The following MAP3K21 variants were observed in gnomAD, a reference collection of about 807,000 sequenced individuals.
MAP3K21 encodes mitogen-activated protein kinase kinase kinase 21.
MAP3K21 carries 63 observed loss-of-function variants against 86.1 expected under a neutral mutation model. That is an observed-to-expected ratio of 0.73 (90% CI 0.60 to 0.90). The LOEUF (loss-of-function observed/expected upper bound fraction) is 0.90. Among genes scored for constraint, MAP3K21 ranks in the 40% least tolerant of loss-of-function variants. The pLI is 0.00. For missense variants in MAP3K21, 1,220 were observed against 1,367.7 expected (o/e 0.89, Z 1.70); for synonymous variants, 558 against 564.8 (o/e 0.99, Z 0.17).
chr1:233,331,260 C>T (rs1036391071), intron 1 of MAP3K21, among the ~76,000 whole-genome samples: 7 of 152,236 alleles, frequency 4.6e-5, no homozygotes, highest in African/African-American at 9.6e-5. Context: ...TAAATTGTTG[C>T]ACTCTTATAA....
chr1:233,341,821 TGAG>T (rs1464071909), intron 1 of MAP3K21, among the ~76,000 whole-genome samples: 1 of 152,164 alleles, frequency 6.6e-6, no homozygotes. Context: ...TTTGTAAGAA[TGAG>T]GAGATAATGT....
rs1352130348 is a variant in MAP3K21, at chr1:233,328,895, CAGGACAT to C, written c.805+65_805+71del. 7.3e-7 allele frequency: 1 copy of C among 1,362,372 alleles called. No individual in the cohort carries two copies. Among genetic ancestry groups the C allele is most frequent in the African/African-American group, 1.5e-5 (1 of 66,406 alleles). 84.4% of individuals were successfully genotyped at this position (1,362,372 alleles called of 1,614,324 possible). A position where few individuals can be genotyped will look rare whatever the true frequency, so the allele number is the denominator to read the frequency against. On this transcript the variant is annotated intron_variant, in intron 1 of 9. Transcript: ENST00000366624. This position sits in a 1 kb window ranked among gnomAD's most constrained non-coding sequence, Gnocchi z 8.7. ...TCCGTGCCAGCCCAGGCGGGCTCCA[CAGGACAT>C]AGTACCAGATGGAAAGAGGTGGGAG...
chr1:233,382,457 C>T lies in MAP3K21; in HGVS notation c.2857C>T (p.Arg953Cys), dbSNP rs202015232. The T allele has an allele frequency of 4.2e-5, 68 of 1,614,012 alleles. No individual in the cohort carries two copies. Among genetic ancestry groups the T allele is most frequent in the Middle Eastern group, 1.6e-4 (1 of 6,084 alleles). The change falls in exon 10 of 10, where the codon CGC becomes TGC. Residue 953 changes from arginine (R) to cysteine (C), a missense_variant. Arg to Cys is a radical substitution (Grantham distance 180). Coordinates refer to ENST00000366624, the MANE Select transcript of MAP3K21 (RefSeq NM_032435.3). ...PQRRPASLRS[R>C]SDLPQAYPQT... ...GCGTCGCCCTGCCTCCCTGAGAAGC[C>T]GCTCAGATCTGCCTCAGGCTTACCC... is the stretch of plus-strand genomic sequence containing the variant.
chr1:233,373,682 A>G (rs921892375), intron 6 of MAP3K21: 1 of 152,194 alleles, frequency 6.6e-6, no homozygotes. Flanking sequence ...ATGTGTGTGC[A>G]CACCCCCATT....
At position 233,379,175 on chromosome 1, in the gene MAP3K21, G is replaced by A; in HGVS notation, c.2169G>A (p.Leu723=). The A allele has an allele frequency of 6.2e-7, 1 of 1,614,220 alleles. No individual in the cohort carries two copies. Among genetic ancestry groups the A allele is most frequent in the Non-Finnish European group, 8.5e-7 (1 of 1,180,032 alleles). ...AGAGAAAGAAAACGGAGTCAGCTCT[G>A]TATGGGTGCACCGTCCTTCTGGCAT... is the stretch of plus-strand genomic sequence containing the variant. The part of the protein sequence containing the change: ...SPQRKKTESA[L]YGCTVLLASV... The change falls in exon 9 of 10, where the codon CTG becomes CTA. Residue 723 remains leucine, a synonymous_variant. Transcript: ENST00000366624.
intron 5 of MAP3K21, among the ~76,000 whole-genome samples, chr1:233,368,489 A>T (rs2102762302): frequency 6.6e-6 from 1 of 152,108 alleles, no homozygotes; most frequent in African/African-American, 2.4e-5. Context: ...CCCCATTTCT[A>T]CAAAAATATA....
chr1:233,374,987 G>T (rs1294276479), intron 6 of MAP3K21, among the ~76,000 whole-genome samples: 2 of 151,486 alleles, frequency 1.3e-5, no homozygotes, highest in East Asian at 1.9e-4. Flanking sequence ...TGTCACCTGG[G>T]CTGGAGTGTA....
rs1422621736 is a variant in MAP3K21, at chr1:233,328,241, C to T, written c.213C>T (p.Asp71=). The change falls in exon 1 of 10, where the codon GAC becomes GAT. Residue 71 remains aspartate (D), a synonymous_variant. Coordinates refer to ENST00000366624, the MANE Select transcript of MAP3K21 (RefSeq NM_032435.3). This position sits in a 1 kb window ranked among gnomAD's most constrained non-coding sequence, Gnocchi z 8.7. ...RGQLVEVLSQ[D]AAVSGDEGWW... is the part of the protein sequence containing the mutation. Reference sequence around the variant, plus strand: ...AGCTGGTGGAGGTGCTGTCGCAGGACGCCGCCGTGTCGGGCGACGAGGGCT... The same window carrying T: ...AGCTGGTGGAGGTGCTGTCGCAGGATGCCGCCGTGTCGGGCGACGAGGGCT... 3 of 1,490,418 alleles carry T rather than the reference C, an allele frequency of 2.0e-6. No homozygotes were observed. Among genetic ancestry groups the T allele is most frequent in the East Asian group, 5.8e-5 (2 of 34,634 alleles). 92.3% of individuals were successfully genotyped at this position (1,490,418 alleles called of 1,614,324 possible).
chr1:233,360,858 G>A (rs977452419), intron 4 of MAP3K21, among the ~76,000 whole-genome samples: 1 of 152,156 alleles, frequency 6.6e-6, no homozygotes, highest in Non-Finnish European at 1.5e-5. Context: ...AGTGTGGCCT[G>A]TTTATATAAA....
chr1:233,328,465 A>G lies in MAP3K21; in HGVS notation c.437A>G (p.Gln146Arg). The G allele has an allele frequency of 6.7e-7, 1 of 1,501,296 alleles. No individual in the cohort carries two copies. Among genetic ancestry groups the G allele is most frequent in the Non-Finnish European group, 8.8e-7 (1 of 1,135,280 alleles). 93.0% of individuals were successfully genotyped at this position (1,501,296 alleles called of 1,614,324 possible). Residue 146 changes from glutamine (Q) to arginine (R), a missense_variant, in exon 1 of 10, where the codon CAG (glutamine) becomes CGG (arginine). Coordinates refer to ENST00000366624, the MANE Select transcript of MAP3K21 (RefSeq NM_032435.3). This position sits in a 1 kb window ranked among gnomAD's most constrained non-coding sequence, Gnocchi z 8.7. The part of the protein sequence containing the change: ...GQVYRATWQG[Q>R]EVAVKAARQD... ...GTGTACCGCGCCACCTGGCAGGGCCAGGAGGTGGCCGTGAAGGCGGCGCGC... is the reference window on the plus strand; with the variant it reads ...GTGTACCGCGCCACCTGGCAGGGCCGGGAGGTGGCCGTGAAGGCGGCGCGC...
At chr1:233,345,098 A>T (rs2102762942) in intron 1 of MAP3K21, among the ~76,000 whole-genome samples, 1 of 152,314 alleles carries the variant, frequency 6.6e-6, no homozygotes, top group East Asian at 1.9e-4. Flanking sequence ...GCTGGAGAGA[A>T]TGTGGAGAAA....
chr1:233,374,862 G>A (rs1251942706), intron 6 of MAP3K21, among the ~76,000 whole-genome samples: 1 of 150,414 alleles, frequency 6.6e-6, no homozygotes, highest in Admixed American at 6.7e-5. Flanking sequence ...ATTTCAAACT[G>A]TTTTTAGAAC....
At chr1:233,360,964 A>G (rs926654366) in intron 4 of MAP3K21, among the ~76,000 whole-genome samples, 11 of 152,324 alleles carry the variant, frequency 7.2e-5, no homozygotes, top group African/African-American at 2.4e-4. Context: ...AGATTGTGGT[A>G]TTAGGGTATT....
chr1:233,361,889 T>C (rs1329546645), intron 4 of MAP3K21, among the ~76,000 whole-genome samples, 164 bp from the exon 5 acceptor site: 3 of 152,204 alleles, frequency 2.0e-5, no homozygotes, highest in Admixed American at 2.0e-4. Flanking sequence ...CTTCGTCCCA[T>C]GAGGACCTGA....
rs1203946006 is a variant in MAP3K21 at position 233,382,821 on chromosome 1, G to C, written c.*110G>C. On this transcript the variant is annotated 3_prime_UTR_variant, in exon 10 of 10. Transcript: ENST00000366624. ...CTGTGTTTTCAAAAGCTGTGGCCATGTTCCTAAATTAGTAAGATATATCCA... is the reference window on the plus strand; with the variant it reads ...CTGTGTTTTCAAAAGCTGTGGCCATCTTCCTAAATTAGTAAGATATATCCA... 1.1e-6 allele frequency: 1 copy of C among 945,702 alleles called. No individual in the cohort carries two copies. Among genetic ancestry groups the C allele is most frequent in the African/African-American group, 1.7e-5 (1 of 60,324 alleles). The allele number at this position is 945,702 out of a possible 1,614,324, so 58.6% of individuals were successfully genotyped here.
At chr1:233,379,737 A>G (rs764321597) in intron 9 of MAP3K21, 27 bp downstream of exon 9, 4 of 1,522,838 alleles carry the variant, frequency 2.6e-6, no homozygotes, top group Admixed American at 1.7e-5. Context: ...AGGTAAAAGC[A>G]TAAAACACTG....
chr1:233,346,360 A>T (rs1460842243), intron 1 of MAP3K21, 82 bp from the exon 2 acceptor site: 24 of 1,055,720 alleles, frequency 2.3e-5, no homozygotes, highest in Middle Eastern at 3.0e-4. Flanking sequence ...TACAGTGAAG[A>T]TTGTGTTTTA....
At chr1:233,336,559 A>AAAAT (rs1662919263) in intron 1 of MAP3K21, among the ~76,000 whole-genome samples, 4 of 63,598 alleles carry the variant, frequency 6.3e-5, no homozygotes, top group Admixed American at 4.4e-4. Context: ...ATAAATAAAT[A>AAAAT]AAATAAAATA....
intron 2 of MAP3K21, among the ~76,000 whole-genome samples, chr1:233,350,119 C>T (rs576613814): frequency 6.6e-6 from 1 of 152,106 alleles, no homozygotes; most frequent in Non-Finnish European, 1.5e-5. Flanking sequence ...TGCATATAGC[C>T]TGTGCACATC....
Sources: allele counts gnomAD v4.1 joint callset (sites outside exome capture counted in the v4.1 genomes callset), GRCh38; gene constraint gnomAD v4.1.1; non-coding constraint Gnocchi (gnomAD v3.1); transcripts MANE v1.5; gene names NCBI Gene and HGNC (gene_info 2026-07-23, HGNC 2026-07-21).